The following CADPS2 variants were observed in gnomAD, a reference collection of about 807,000 sequenced individuals.
CADPS2 encodes calcium dependent secretion activator 2.
Under a neutral mutation model 172.5 loss-of-function variants are expected in CADPS2, and 93 were observed. The observed-to-expected ratio is 0.54, with a 90% confidence interval of 0.46 to 0.64. The LOEUF is 0.64. CADPS2 is among the 30% of genes least tolerant of loss of function. The pLI is 0.00. For missense variants in CADPS2, 1,420 were observed against 1,565.9 expected (o/e 0.91, Z 1.57); for synonymous variants, 546 against 555.2 (o/e 0.98, Z 0.23).
intron 1 of CADPS2, among the ~76,000 whole-genome samples, chr7:122,820,485 A>C (rs1202506628): frequency 4.0e-5 from 6 of 149,380 alleles, no homozygotes. Context: ...CAGAATTCTT[A>C]CACAAGAGCC....
chr7:122,507,436 GT>G (rs2059689509), intron 9 of CADPS2, among the ~76,000 whole-genome samples: 1 of 152,120 alleles, frequency 6.6e-6, no homozygotes, highest in African/African-American at 2.4e-5. Flanking sequence ...GGTGCCTTTG[GT>G]GGGGGTATCT....
rs527565071 is a variant in CADPS2, at chr7:122,883,578, T to C, written c.339+2421A>G. Among the ~76,000 whole-genome samples the C allele has an allele frequency of 3.3e-5, 5 of 152,352 alleles. No individual in the cohort carries two copies. In the South Asian group the frequency reaches 6.2e-4, roughly 19 times the overall value. On this transcript the variant is annotated intron_variant, in intron 1 of 29. Transcript: ENST00000449022. ...TTCAAGTAAGTTTTGGCATTACTTA[T>C]TAGCTTGTGCATCAAATTCACATAA...
chr7:122,769,501 A>G (rs2093650028), intron 1 of CADPS2, among the ~76,000 whole-genome samples: 2 of 152,228 alleles, frequency 1.3e-5, no homozygotes, highest in Admixed American at 1.3e-4. Flanking sequence ...ACAGCAATGA[A>G]GAATGACAGC....
chr7:122,325,113 C>T (rs1230090545), intron 29 of CADPS2, among the ~76,000 whole-genome samples: 1 of 151,982 alleles, frequency 6.6e-6, no homozygotes, highest in African/African-American at 2.4e-5. Flanking sequence ...AGTACAAAAG[C>T]CCTCACAATG....
intron 10 of CADPS2, 28 bp from the exon 11 acceptor site, chr7:122,490,309 A>G (rs764162575): frequency 8.1e-6 from 13 of 1,600,698 alleles, no homozygotes; most frequent in Non-Finnish European, 1.1e-5. Flanking sequence ...AGACATCATT[A>G]AAAATTTATA....
rs181395019 is a variant in CADPS2 at position 122,398,369 on chromosome 7, G to A, written c.2747-4787C>T. ...TGAACCCATATAATCCAATTTTATA[G>A]TGCTCATCCTCTTCCAATTAGCTAG... On this transcript the variant is annotated intron_variant, in intron 20 of 29. Transcript: ENST00000449022. Among the ~76,000 whole-genome samples, 198 of 152,244 alleles carry A rather than the reference G, an allele frequency of 1.3e-3. 1 individual carries two copies. The highest frequency in any genetic ancestry group is 4.3e-3 in the African/African-American group (180 of 41,546).
At chr7:122,687,289 A>G (rs1469470898) in intron 2 of CADPS2, among the ~76,000 whole-genome samples, 1 of 152,146 alleles carries the variant, frequency 6.6e-6, no homozygotes, top group Non-Finnish European at 1.5e-5. Context: ...GGTATCATTC[A>G]ACCACCCTCC....
At chr7:122,883,000 T>A (rs530134844) in intron 1 of CADPS2, among the ~76,000 whole-genome samples, 1 of 152,310 alleles carries the variant, frequency 6.6e-6, no homozygotes, top group Non-Finnish European at 1.5e-5. Flanking sequence ...TGTAAAACCA[T>A]CAGTGGTCAA....
At chr7:122,816,929 T>C (rs1366983648) in intron 1 of CADPS2, among the ~76,000 whole-genome samples, 2 of 151,784 alleles carry the variant, frequency 1.3e-5, no homozygotes, top group Non-Finnish European at 2.9e-5. Context: ...GAAAGTCCTT[T>C]TCCTGGCTCA....
At chr7:122,790,649 G>GT (rs904780646) in intron 1 of CADPS2, among the ~76,000 whole-genome samples, 3 of 152,018 alleles carry the variant, frequency 2.0e-5, no homozygotes, top group African/African-American at 7.2e-5. Flanking sequence ...CATATGAAAT[G>GT]TTTTTTTCTT....
chr7:122,834,650 G>C (rs1807725812), intron 1 of CADPS2, among the ~76,000 whole-genome samples: 1 of 152,196 alleles, frequency 6.6e-6, no homozygotes, highest in Non-Finnish European at 1.5e-5. Flanking sequence ...ACGGCGCCTG[G>C]CTTGGAGGGT....
chr7:122,808,839 AAAAAG>A (rs1457702135), intron 1 of CADPS2, among the ~76,000 whole-genome samples: 1 of 152,238 alleles, frequency 6.6e-6, no homozygotes, highest in East Asian at 1.9e-4. Context: ...TTTTCAGTAC[AAAAAG>A]AAAAGATCTA....
intron 17 of CADPS2, chr7:122,436,283 G>A: frequency 3.6e-6 from 3 of 832,578 alleles, no homozygotes; most frequent in Non-Finnish European, 5.0e-6. Context: ...TGTCAATCAT[G>A]TCTCAACAAA....
At chr7:122,791,525 C>T (rs908186150) in intron 1 of CADPS2, among the ~76,000 whole-genome samples, 2 of 152,112 alleles carry the variant, frequency 1.3e-5, no homozygotes, top group Admixed American at 6.6e-5. Flanking sequence ...TGCCCATTAA[C>T]AGTAGTTTTT....
intron 20 of CADPS2, among the ~76,000 whole-genome samples, chr7:122,401,576 TAGTCA>T (rs1414063998): frequency 1.3e-5 from 2 of 152,250 alleles, no homozygotes; most frequent in Non-Finnish European, 2.9e-5. Context: ...ACTAGCTTTA[TAGTCA>T]CTCAGTATCA....
At chr7:122,344,812 G>T (rs1287724525) in intron 28 of CADPS2, among the ~76,000 whole-genome samples, 5 of 152,096 alleles carry the variant, frequency 3.3e-5, no homozygotes, top group African/African-American at 1.2e-4. Flanking sequence ...TCAGGTTTTT[G>T]AGACTCATTC....
intron 1 of CADPS2, among the ~76,000 whole-genome samples, chr7:122,859,030 A>G (rs900431598): frequency 6.6e-6 from 1 of 152,196 alleles, no homozygotes; most frequent in Non-Finnish European, 1.5e-5. Context: ...AACTTCTGTC[A>G]GAAAGTTTCT....
chr7:122,477,564 C>CA (rs2056850731), intron 12 of CADPS2, among the ~76,000 whole-genome samples: 1 of 101,800 alleles, frequency 9.8e-6, no homozygotes, highest in Non-Finnish European at 2.0e-5. Flanking sequence ...AAACAAAAAA[C>CA]AAAAAACCAA....
At position 122,835,446 on chromosome 7, in the gene CADPS2, C is replaced by T. The variant is rs529546872; in HGVS notation, c.339+50553G>A. ...AAAGCTGGATGGAGAATGACTTTGA[C>T]GAGTTGAGAGAAGAAGGCTTCAGAT... On this transcript the variant is annotated intron_variant, in intron 1 of 29. Coordinates refer to ENST00000449022, the MANE Select transcript of CADPS2 (RefSeq NM_017954.11). 9.3e-4 allele frequency among the ~76,000 whole-genome samples: 141 copies of T among 152,326 alleles called. 1 individual carries two copies. Among genetic ancestry groups the T allele is most frequent in the Middle Eastern group, 3.4e-3 (1 of 294 alleles).
Sources: gnomAD v4.1 joint callset for allele counts (sites outside exome capture counted in the v4.1 genomes callset) on GRCh38, gnomAD v4.1.1 for gene constraint, MANE v1.5 for transcripts, NCBI Gene and HGNC (gene_info 2026-07-23, HGNC 2026-07-21) for gene names.